Variants in NRDE2 observed in about 807,000 individuals in gnomAD.
NRDE2 encodes nuclear exosome regulator NRDE2.
A neutral mutation model predicts 124.2 loss-of-function variants in NRDE2; 76 were observed. That is an observed-to-expected ratio of 0.61 (90% CI 0.51 to 0.74). NRDE2 has a LOEUF of 0.74. Among genes scored for constraint, NRDE2 ranks in the 30% least tolerant of loss-of-function variants. The pLI is 0.00. For synonymous variants in NRDE2, 489 were observed against 528.1 expected, an observed-to-expected ratio of 0.93 and a Z score of 1.01; for missense variants, 1,314 against 1,417.3, an observed-to-expected ratio of 0.93 and a Z score of 1.17.
intron 3 of NRDE2, among the ~76,000 whole-genome samples, chr14:90,313,285 C>T (rs547782254): frequency 2.0e-4 from 30 of 152,224 alleles, no homozygotes; most frequent in African/African-American, 7.2e-4. Flanking sequence ...CACCACCACA[C>T]CTGGCTAATT....
intron 10 of NRDE2, among the ~76,000 whole-genome samples, chr14:90,289,677 T>C (rs891195718): frequency 6.6e-6 from 1 of 152,224 alleles, no homozygotes; most frequent in Non-Finnish European, 1.5e-5. Flanking sequence ...AACCTCTACC[T>C]TCCATGTTCA....
At chr14:90,298,468 A>AT in intron 7 of NRDE2, 88 bp from the exon 8 acceptor site, 1 of 1,294,266 alleles carries the variant, frequency 7.7e-7, no homozygotes, top group Non-Finnish European at 1.1e-6. Context: ...GATATAAGAG[A>AT]AGCTTATGAT....
intron 11 of NRDE2, 24 bp downstream of exon 11, chr14:90,288,192 CA>C (rs1478639398): frequency 3.1e-6 from 5 of 1,591,502 alleles, no homozygotes; most frequent in Non-Finnish European, 4.3e-6. Flanking sequence ...TTGCGGGGCA[CA>C]CGAACAGAAC....
intron 3 of NRDE2, among the ~76,000 whole-genome samples, chr14:90,313,712 C>G (rs1345135838): frequency 1.3e-5 from 2 of 152,190 alleles, no homozygotes; most frequent in African/African-American, 4.8e-5. Context: ...GTAGTCAAAA[C>G]AGCCATTAAC....
intron 4 of NRDE2, among the ~76,000 whole-genome samples, chr14:90,309,330 G>A (rs531746941): frequency 8.2e-4 from 125 of 151,780 alleles, no homozygotes; most frequent in African/African-American, 2.6e-3. Context: ...AAAATTAGCC[G>A]GGCATGGTAG....
In NRDE2 at chr14:90,270,416, ATG is replaced by A; in HGVS notation, c.*7918_*7919del. 1 of 1,538,794 alleles carries A rather than the reference ATG, an allele frequency of 6.5e-7. No homozygotes were observed. Among genetic ancestry groups the A allele is most frequent in the Non-Finnish European group, 8.8e-7 (1 of 1,140,776 alleles). On this transcript the variant is annotated 3_prime_UTR_variant, in exon 14 of 14. Coordinates refer to ENST00000354366, the MANE Select transcript of NRDE2 (RefSeq NM_017970.4). Reference sequence around the variant, plus strand: ...GGCCGTCAATCAGGAAAGAGTCTATATGTGCTCTTGGGATGGTGGTTGGCCTG... The same window carrying A: ...GGCCGTCAATCAGGAAAGAGTCTATATGCTCTTGGGATGGTGGTTGGCCTG...
intron 1 of NRDE2, among the ~76,000 whole-genome samples, chr14:90,328,428 T>C (rs1025588434): frequency 1.3e-5 from 2 of 152,116 alleles, no homozygotes; most frequent in Admixed American, 1.3e-4. Flanking sequence ...GGAGGAATGA[T>C]ATAATTAGAA....
At position 90,312,535 on chromosome 14, in the gene NRDE2, T is replaced by C; in HGVS notation, c.416A>G (p.Asn139Ser). 1 of 1,614,132 alleles carries C rather than the reference T, an allele frequency of 6.2e-7. No individual in the cohort carries two copies. Among genetic ancestry groups the C allele is most frequent in the Non-Finnish European group, 8.5e-7 (1 of 1,180,030 alleles). Residue 139 changes from asparagine to serine, a missense_variant, in exon 4 of 14, where the codon AAT (asparagine) becomes AGT (serine). Transcript: ENST00000354366. ...KKESEEPNQG[N>S]NAAADTGHRF... ...ATGTCCAGTATCAGCTGCAGCATTA[T>C]TTCCTTGACTGTGGGACAAAGGAAG...
intron 12 of NRDE2, chr14:90,280,133 T>A (rs1363068958): frequency 2.6e-5 from 4 of 152,320 alleles, no homozygotes; most frequent in African/African-American, 9.7e-5. Context: ...TTTGGTTTTT[T>A]TTTTCACTGT....
intron 3 of NRDE2, among the ~76,000 whole-genome samples, chr14:90,315,147 A>G (rs1450980309): frequency 8.1e-6 from 1 of 123,258 alleles, no homozygotes; most frequent in Non-Finnish European, 1.6e-5. Context: ...ACTGTACTCC[A>G]GCCTGGCCGA....
intron 4 of NRDE2, among the ~76,000 whole-genome samples, chr14:90,306,626 CA>C (rs1884612084): frequency 6.6e-6 from 1 of 152,022 alleles, no homozygotes; most frequent in Non-Finnish European, 1.5e-5. Flanking sequence ...GTCTGGCTAA[CA>C]TGGTGAAACC....
chr14:90,304,275 C>A lies in NRDE2; in HGVS notation c.665G>T (p.Arg222Leu). The change falls in exon 5 of 14, where the codon CGC (arginine) becomes CTC (leucine). Residue 222 changes from arginine to leucine, a missense_variant. Transcript: ENST00000354366. ...TCCCACACTCTTCTTAGTAAAATAG[C>A]GTTCAACCTGCTTGCGTGAATGCTT... ...EKKHSRKQVE[R>L]YFTKKSVGLM... The A allele has an allele frequency of 6.2e-7, 1 of 1,614,134 alleles. No individual in the cohort carries two copies. Among genetic ancestry groups the A allele is most frequent in the South Asian group, 1.1e-5 (1 of 91,066 alleles).
In NRDE2 at chr14:90,272,398, G is replaced by T. The variant is rs1373211513; in HGVS notation, c.*5938C>A. 1 of 1,552,996 alleles carries T rather than the reference G, an allele frequency of 6.4e-7. No individual in the cohort carries two copies. Among genetic ancestry groups the T allele is most frequent in the Non-Finnish European group, 8.7e-7 (1 of 1,145,698 alleles). On this transcript the variant is annotated 3_prime_UTR_variant, in exon 14 of 14. Transcript: ENST00000354366. The surrounding 1 kb of genome is among the most constrained non-coding windows in gnomAD (Gnocchi z 4.5). ...AACAGGAAGGCACCCCTGAGGGGCT[G>T]TATCTCTAATGAACCATGGCTGTCA...
intron 3 of NRDE2, among the ~76,000 whole-genome samples, chr14:90,315,125 C>T (rs1306187833): frequency 2.1e-5 from 3 of 142,698 alleles, no homozygotes; most frequent in Non-Finnish European, 4.5e-5. Flanking sequence ...TGCAGTGAGC[C>T]GAGATCGTGC....
chr14:90,316,082 C>A (rs1053967073), intron 3 of NRDE2, among the ~76,000 whole-genome samples: 37 of 150,264 alleles, frequency 2.5e-4, no homozygotes, highest in African/African-American at 9.1e-4. Context: ...TGGTCTTAAA[C>A]AAATATGAAA....
chr14:90,302,659 C>A, intron 6 of NRDE2, 61 bp downstream of exon 6: 2 of 1,437,824 alleles, frequency 1.4e-6, no homozygotes, highest in South Asian at 2.9e-5. Context: ...TCTTCATTTT[C>A]AAGTAAAGCC....
rs1466794165 is a variant in NRDE2, at chr14:90,276,078, C to T, written c.*2258G>A. 1.3e-5 allele frequency: 2 copies of T among 152,210 alleles called. No homozygotes were observed. Among genetic ancestry groups the T allele is most frequent in the Non-Finnish European group, 2.9e-5 (2 of 68,084 alleles). The allele number at this position is 152,210 out of a possible 1,614,324, so 9.4% of individuals were successfully genotyped here. A position where few individuals can be genotyped will look rare whatever the true frequency, so the allele number is the denominator to read the frequency against. On this transcript the variant is annotated 3_prime_UTR_variant, in exon 14 of 14. Transcript: ENST00000354366. ...ATCAGTGACTCCTTCGGGGAAATGA[C>T]GAGCGTTCCTGATGAAACACATGAG...
intron 1 of NRDE2, among the ~76,000 whole-genome samples, chr14:90,330,807 CA>C (rs56298487): frequency 0.85 from 104,571 of 123,242 alleles, 44,933 homozygotes; most frequent in Non-Finnish European, 0.95. Flanking sequence ...GACCCTGTCT[CA>C]AAAAAAAAAA....
Position 90,328,304 on chromosome 14 carries a change from CAAAA to C in NRDE2, c.64+3533_64+3536del, listed in dbSNP as rs60360850. Among the ~76,000 whole-genome samples the C allele has an allele frequency of 3.4e-5, 3 of 88,720 alleles. No individual in the cohort carries two copies. The East Asian group carries it at 9.7e-4, about 29-fold the overall frequency. 58.2% of individuals were successfully genotyped at this position (88,720 alleles called of 152,430 possible). On this transcript the variant is annotated intron_variant, in intron 1 of 13. Coordinates refer to ENST00000354366, the MANE Select transcript of NRDE2 (RefSeq NM_017970.4). The stretch of plus-strand genomic sequence containing the variant: ...CTGGGCGACAGCTAGACTCTGTCTC[CAAAA>C]AAAAAAAAAAAAAAAGAAAAAAGTA...
Sources: gnomAD v4.1 joint callset for allele counts (sites outside exome capture counted in the v4.1 genomes callset) on GRCh38, gnomAD v4.1.1 for gene constraint, Gnocchi (gnomAD v3.1) non-coding constraint, MANE v1.5 for transcripts, NCBI Gene and HGNC (gene_info 2026-07-23, HGNC 2026-07-21) for gene names.